MYO1B: variants seen among roughly 807,000 people sequenced by gnomAD.
MYO1B encodes the protein myosin IB.
In MYO1B, 72 loss-of-function variants were observed where a neutral mutation model predicts 159.7. That is an observed-to-expected ratio of 0.45 (90% confidence interval 0.37 to 0.55). The LOEUF is 0.55. MYO1B is among the 20% of genes least tolerant of loss of function. The pLI, the probability that MYO1B is intolerant of heterozygous loss-of-function variation, is 0.00. For synonymous variants in MYO1B, 468 were observed against 473.8 expected, an observed-to-expected ratio of 0.99 and a Z score of 0.16; for missense variants, 1,062 against 1,364.8, an observed-to-expected ratio of 0.78 and a Z score of 3.50.
Position 191,389,717 on chromosome 2 carries a change from T to C in MYO1B, c.1782-575T>C, listed in dbSNP as rs534598719. Among the ~76,000 whole-genome samples the C allele has an allele frequency of 3.3e-5, 5 of 152,314 alleles. No individual in the cohort carries two copies. The East Asian group carries it at 9.6e-4, about 29-fold the overall frequency. The stretch of plus-strand genomic sequence containing the variant: ...CCCTGTTAAGAAAGGAGAACAGATA[T>C]AGGGAGGAAACAGTGTTTTTTATCT... On this transcript the variant is annotated intron_variant, in intron 17 of 30. Coordinates refer to ENST00000392318, the MANE Select transcript of MYO1B (RefSeq NM_001130158.3).
intron 7 of MYO1B, among the ~76,000 whole-genome samples, chr2:191,350,925 A>C (rs1692877039): frequency 1.3e-5 from 2 of 152,142 alleles, no homozygotes; most frequent in Non-Finnish European, 2.9e-5. Flanking sequence ...TCTTGTAAAA[A>C]TGACAGTGCT....
intron 30 of MYO1B, among the ~76,000 whole-genome samples, chr2:191,421,578 C>T (rs59388207): frequency 0.016 from 2,410 of 151,652 alleles, 65 homozygotes; most frequent in African/African-American, 0.055. Flanking sequence ...TAGCTGCAAA[C>T]GATTCCCCTG....
chr2:191,334,499 T>C (rs528510408), intron 4 of MYO1B, among the ~76,000 whole-genome samples: 3 of 152,194 alleles, frequency 2.0e-5, no homozygotes, highest in Non-Finnish European at 4.4e-5. Flanking sequence ...TCATTCTTCT[T>C]TTTTATAGTT....
intron 2 of MYO1B, among the ~76,000 whole-genome samples, chr2:191,283,862 C>A (rs969823935): frequency 6.6e-6 from 1 of 152,208 alleles, no homozygotes; most frequent in Admixed American, 6.5e-5. Flanking sequence ...ATGAGGCAAT[C>A]TGAAAATGAC....
At chr2:191,354,428 T>C (rs1385632438) in intron 7 of MYO1B, among the ~76,000 whole-genome samples, 1 of 152,090 alleles carries the variant, frequency 6.6e-6, no homozygotes, top group African/African-American at 2.4e-5. Flanking sequence ...TCTGTGCTAA[T>C]CATTTAAAAA....
intron 1 of MYO1B, among the ~76,000 whole-genome samples, chr2:191,261,251 G>A (rs1020455640): frequency 1.3e-5 from 2 of 152,134 alleles, no homozygotes; most frequent in African/African-American, 2.4e-5. Context: ...TTAAACATGT[G>A]TGCCAAAAGA....
intron 24 of MYO1B, among the ~76,000 whole-genome samples, chr2:191,405,870 A>G (rs1696887247): frequency 6.6e-6 from 1 of 152,244 alleles, no homozygotes; most frequent in Non-Finnish European, 1.5e-5. Context: ...AATGAGCATT[A>G]GCTCCAACTT....
At position 191,341,462 on chromosome 2, in the gene MYO1B, G is replaced by T; in HGVS notation, c.348G>T (p.Glu116Asp). 1.9e-6 allele frequency: 3 copies of T among 1,612,718 alleles called. No homozygotes were observed. The highest frequency in any genetic ancestry group is 2.5e-6 in the Non-Finnish European group (3 of 1,179,398). Residue 116 changes from glutamate to aspartate, a missense_variant and splice_region_variant, in exon 5 of 31, where the codon GAG becomes GAT. By Grantham distance (45) the Glu-to-Asp change is conservative. Around this residue, in one of 5 missense-constraint regions of MYO1B, gnomAD observed 415 missense variants for 544.0 expected, o/e 0.76. Transcript: ENST00000392318. ...ITGESGAGKTEASKLVMSYVA... is the reference protein window; with the variant it reads ...ITGESGAGKTDASKLVMSYVA... ...AATATGGCTTATTTTCATCCACAGA[G>T]GCCAGTAAGCTTGTCATGTCCTATG...
chr2:191,247,556 C>T lies in MYO1B; in HGVS notation c.-10+1930C>T, dbSNP rs1485080062. Among the ~76,000 whole-genome samples, 6 of 152,342 alleles carry T rather than the reference C, an allele frequency of 3.9e-5. No homozygotes were observed. The Middle Eastern group carries it at 0.01, about 259-fold the overall frequency. The stretch of plus-strand genomic sequence containing the variant: ...GAAGTTGAAATGGGATGGTGTCCAA[C>T]TGTCAAGCTGTTTGTCATTAGAACT... On this transcript the variant is annotated intron_variant, in intron 1 of 30. Transcript: ENST00000392318.
intron 2 of MYO1B, among the ~76,000 whole-genome samples, chr2:191,288,313 C>T (rs910883022): frequency 6.6e-6 from 1 of 151,352 alleles, no homozygotes; most frequent in Non-Finnish European, 1.5e-5. Flanking sequence ...AACCTAACGT[C>T]TTATGTCACT....
intron 4 of MYO1B, among the ~76,000 whole-genome samples, chr2:191,335,638 A>G (rs899386164): frequency 2.6e-5 from 4 of 152,236 alleles, no homozygotes; most frequent in Non-Finnish European, 2.9e-5. Context: ...TAAATAAATG[A>G]AAGAAGATGA....
intron 1 of MYO1B, among the ~76,000 whole-genome samples, chr2:191,262,506 T>TC (rs996378394): frequency 1.3e-5 from 2 of 152,186 alleles, no homozygotes; most frequent in African/African-American, 4.8e-5. Context: ...AGTTTTATCT[T>TC]CCATGGGACC....
At position 191,390,201 on chromosome 2, in the gene MYO1B, A is replaced by G. The variant is rs111671908; in HGVS notation, c.1782-91A>G. The stretch of plus-strand genomic sequence containing the variant: ...TTAAGAATAACATAATTGTTTTGCT[A>G]TGAAACAGTTATATATAATACTTTG... On this transcript the variant is annotated intron_variant, in intron 17 of 30. Transcript: ENST00000392318. 1,321 of 1,165,770 alleles carry G rather than the reference A, an allele frequency of 1.1e-3. 10 individuals carry two copies. In the African/African-American group the frequency reaches 0.015, roughly 13 times the overall value. 72.2% of individuals were successfully genotyped at this position (1,165,770 alleles called of 1,614,324 possible). A position where few individuals can be genotyped will look rare whatever the true frequency, so the allele number is the denominator to read the frequency against.
intron 30 of MYO1B, among the ~76,000 whole-genome samples, chr2:191,419,946 A>G (rs1211098886): frequency 6.6e-6 from 1 of 152,186 alleles, no homozygotes; most frequent in Admixed American, 6.5e-5. Context: ...CACGCCTGTA[A>G]TCTTGGCACT....
rs1156958031 is a variant in MYO1B at position 191,387,322 on chromosome 2, G to A, written c.1653G>A (p.Lys551=). The change falls in exon 17 of 31, where the codon AAG becomes AAA. Residue 551 remains lysine, a synonymous_variant. Coordinates refer to ENST00000392318, the MANE Select transcript of MYO1B (RefSeq NM_001130158.3). ...AMWKASHALI[K]SLFPEGNPAK... ...GGAAGGCCAGCCATGCCCTCATCAA[G>A]TCTTTGTTCCCCGAAGGGAATCCCG... is the stretch of plus-strand genomic sequence containing the variant. The A allele has an allele frequency of 6.2e-7, 1 of 1,614,162 alleles. No homozygotes were observed. The highest frequency in any genetic ancestry group is 1.7e-5 in the Admixed American group (1 of 60,018).
At chr2:191,251,731 G>A (rs1337553484) in intron 1 of MYO1B, among the ~76,000 whole-genome samples, 2 of 152,140 alleles carry the variant, frequency 1.3e-5, no homozygotes, top group Non-Finnish European at 2.9e-5. Flanking sequence ...GAATTGAAAG[G>A]ACAGTGGAAC....
intron 7 of MYO1B, among the ~76,000 whole-genome samples, chr2:191,353,284 G>A (rs1052069796): frequency 6.6e-6 from 1 of 152,162 alleles, no homozygotes; most frequent in African/African-American, 2.4e-5. Flanking sequence ...TAACATTTAT[G>A]TTTTTGTATT....
intron 24 of MYO1B, among the ~76,000 whole-genome samples, chr2:191,405,785 G>A (rs1004581273): frequency 1.3e-5 from 2 of 152,230 alleles, no homozygotes; most frequent in African/African-American, 4.8e-5. Context: ...TCCAGGCTTT[G>A]TTGTTCCATT....
intron 2 of MYO1B, among the ~76,000 whole-genome samples, chr2:191,293,313 T>A (rs894995214): frequency 2.0e-5 from 3 of 152,194 alleles, no homozygotes; most frequent in African/African-American, 7.2e-5. Flanking sequence ...GTTTTTACAG[T>A]CTACCAGAGT....
Sources: allele counts gnomAD v4.1 joint callset (sites outside exome capture counted in the v4.1 genomes callset), GRCh38; gene constraint gnomAD v4.1.1; regional missense constraint gnomAD v4.1.1; transcripts MANE v1.5; gene names NCBI Gene and HGNC (gene_info 2026-07-23, HGNC 2026-07-21).